Variants in ABCA13 observed in about 807,000 individuals in gnomAD.
The protein encoded by ABCA13 is ATP binding cassette subfamily A member 13, also known as ATP-binding cassette sub-family A member 13.
ABCA13 carries 476 observed loss-of-function variants against 478.7 expected under a neutral mutation model. The observed-to-expected ratio is 0.99, with a 90% confidence interval of 0.92 to 1.07. The LOEUF is 1.07. ABCA13 is among the 50% of genes least tolerant of loss of function. The pLI, the probability that ABCA13 is intolerant of heterozygous loss-of-function variation, is 0.00. For missense variants in ABCA13, 6,060 were observed against 5,910.6 expected (o/e 1.03, Z -0.83); for synonymous variants, 2,252 against 2,158.9 (o/e 1.04, Z -1.20).
chr7:48,575,321 A>G (rs1298826052), intron 55 of ABCA13, among the ~76,000 whole-genome samples: 1 of 152,262 alleles, frequency 6.6e-6, no homozygotes, highest in South Asian at 2.1e-4. Flanking sequence ...TGGTTTTTTA[A>G]AAGTTGATAC....
chr7:48,284,227 G>A lies in ABCA13; in HGVS notation c.8836+2775G>A, dbSNP rs141551089. ...AACAGAAGAATTGATTGGTCATTGG[G>A]TCTAAGAAACATGGAAAAGGAGTAA... On this transcript the variant is annotated intron_variant, in intron 19 of 61. Coordinates refer to ENST00000435803, the MANE Select transcript of ABCA13 (RefSeq NM_152701.5). 3.3e-3 allele frequency among the ~76,000 whole-genome samples: 508 copies of A among 152,292 alleles called. 2 individuals carry two copies. Among genetic ancestry groups the A allele is most frequent in the African/African-American group, 0.012 (484 of 41,566 alleles).
chr7:48,337,030 T>C (rs982169018), intron 28 of ABCA13, among the ~76,000 whole-genome samples: 6 of 152,250 alleles, frequency 3.9e-5, no homozygotes, highest in African/African-American at 1.4e-4. Context: ...ACCTGAGTAC[T>C]ACTTACTAAG....
intron 10 of ABCA13, among the ~76,000 whole-genome samples, chr7:48,243,310 T>C (rs950524390): frequency 6.6e-6 from 1 of 152,206 alleles, no homozygotes; most frequent in East Asian, 1.9e-4. Context: ...TAAAATAATC[T>C]CTTTCTCACT....
In ABCA13 at chr7:48,272,549, T is replaced by G. The variant is rs761389703; in HGVS notation, c.2883T>G (p.Leu961=). The G allele has an allele frequency of 1.2e-6, 2 of 1,613,680 alleles. No homozygotes were observed. The highest frequency in any genetic ancestry group is 2.7e-5 in the African/African-American group (2 of 74,936). The change falls in exon 17 of 62, where the codon CTT becomes CTG. Residue 961 remains leucine (L), a synonymous_variant. Coordinates refer to ENST00000435803, the MANE Select transcript of ABCA13 (RefSeq NM_152701.5). ...TCCAGGACAAGGATTCAGCTTTACT[T>G]CTGCAAATTTATTCTTCATTTTACC... ...NVFQDKDSAL[L]LQIYSSFYRY...
chr7:48,536,808 G>T (rs1388360540), intron 55 of ABCA13, among the ~76,000 whole-genome samples: 2 of 151,532 alleles, frequency 1.3e-5, no homozygotes, highest in Non-Finnish European at 2.9e-5. Flanking sequence ...TAATATTTTT[G>T]TTAAATTTCA....
At chr7:48,417,847 G>A (rs1318227800) in intron 41 of ABCA13, among the ~76,000 whole-genome samples, 1 of 152,176 alleles carries the variant, frequency 6.6e-6, no homozygotes, top group Non-Finnish European at 1.5e-5. Context: ...CCTGCCCGAA[G>A]CCCCAGCCCT....
intron 51 of ABCA13, among the ~76,000 whole-genome samples, chr7:48,516,200 G>A (rs1169194234): frequency 6.6e-6 from 1 of 152,058 alleles, no homozygotes; most frequent in Non-Finnish European, 1.5e-5. Flanking sequence ...CAGAGAATTC[G>A]GTTACCCACA....
rs1796591305 is a variant in ABCA13 at position 48,278,498 on chromosome 7, A to T, written c.7304A>T (p.Asn2435Ile). Residue 2435 changes from asparagine (N) to isoleucine (I), a missense_variant, in exon 18 of 62, where the codon AAT (asparagine) becomes ATT (isoleucine). Coordinates refer to ENST00000435803, the MANE Select transcript of ABCA13 (RefSeq NM_152701.5). ...CTGGATACAATTTTACACTCTCCTA[A>T]TAAGGACTTCTATGCTTTGTATCCT... The part of the protein sequence containing the change: ...RLLDTILHSP[N>I]KDFYALYPTL... The T allele has an allele frequency of 1.2e-6, 2 of 1,613,982 alleles. No homozygotes were observed. Among genetic ancestry groups the T allele is most frequent in the Non-Finnish European group, 1.7e-6 (2 of 1,179,882 alleles).
intron 27 of ABCA13, among the ~76,000 whole-genome samples, chr7:48,325,486 A>G (rs988380326): frequency 1.3e-5 from 2 of 152,140 alleles, no homozygotes; most frequent in Admixed American, 6.5e-5. Context: ...GACGGTGCTT[A>G]AAACTGTAGC....
chr7:48,556,851 C>A (rs995479979), intron 55 of ABCA13, among the ~76,000 whole-genome samples: 4 of 151,694 alleles, frequency 2.6e-5, no homozygotes, highest in South Asian at 4.2e-4. Context: ...TTATTGTTTT[C>A]TGTTTGTTTT....
intron 27 of ABCA13, among the ~76,000 whole-genome samples, chr7:48,334,335 C>T (rs1805872476): frequency 1.4e-5 from 2 of 145,622 alleles, no homozygotes; most frequent in Non-Finnish European, 3.0e-5. Flanking sequence ...GTCTCTATCC[C>T]TATTTTTTTT....
At chr7:48,476,595 T>A (rs977786775) in intron 45 of ABCA13, among the ~76,000 whole-genome samples, 3 of 152,158 alleles carry the variant, frequency 2.0e-5, no homozygotes, top group Admixed American at 2.0e-4. Flanking sequence ...CTTGAATTAT[T>A]GTTTCATTTG....
At chr7:48,239,437 AG>A in intron 9 of ABCA13, 32 bp downstream of exon 9, 2 of 1,558,064 alleles carry the variant, frequency 1.3e-6, no homozygotes, top group Non-Finnish European at 1.7e-6. Context: ...TTCTGTTCAA[AG>A]GTGTGCCAGT....
In ABCA13 at chr7:48,279,313, G is replaced by T. The variant is rs528610620; in HGVS notation, c.8119G>T (p.Asp2707Tyr). ...NPISTHSGPQ[D>Y]IKWEIIHEVI... ...AATTTCCACTCATAGTGGCCCTCAA[G>T]ATATAAAATGGGAAATAATTCATGA... is the stretch of plus-strand genomic sequence containing the variant. The change falls in exon 18 of 62, where the codon GAT becomes TAT. Residue 2707 changes from aspartate to tyrosine, a missense_variant. This residue lies in a region of ABCA13 where 4,423 missense variants were observed against 4,309.1 expected (regional missense o/e 1.03). Transcript: ENST00000435803. The T allele has an allele frequency of 3.2e-6, 5 of 1,586,992 alleles. No individual in the cohort carries two copies. The highest frequency in any genetic ancestry group is 1.7e-4 in the Middle Eastern group (1 of 6,020).
intron 1 of ABCA13, among the ~76,000 whole-genome samples, chr7:48,172,783 G>A: frequency 9.2e-6 from 1 of 108,158 alleles, no homozygotes; most frequent in Non-Finnish European, 1.7e-5. Flanking sequence ...GGGCGACAGA[G>A]CGAGACTCCG....
intron 22 of ABCA13, among the ~76,000 whole-genome samples, chr7:48,297,600 T>C (rs1799565307): frequency 6.6e-6 from 1 of 152,176 alleles, no homozygotes; most frequent in Admixed American, 6.5e-5. Flanking sequence ...TTTCCTTGGC[T>C]GTTCACTCTG....
At chr7:48,386,892 T>C (rs1487143268) in intron 35 of ABCA13, among the ~76,000 whole-genome samples, 1 of 152,158 alleles carries the variant, frequency 6.6e-6, no homozygotes, top group African/African-American at 2.4e-5. Context: ...TAATGGGATC[T>C]AACTAAAGAG....
chr7:48,259,645 C>A (rs1049980308), intron 15 of ABCA13, among the ~76,000 whole-genome samples: 1 of 151,896 alleles, frequency 6.6e-6, no homozygotes, highest in African/African-American at 2.4e-5. Context: ...ATTCTGATAT[C>A]ATGTTGTTAG....
chr7:48,631,585 G>A (rs1045929329), intron 59 of ABCA13, among the ~76,000 whole-genome samples: 2 of 152,078 alleles, frequency 1.3e-5, no homozygotes, highest in Non-Finnish European at 2.9e-5. Flanking sequence ...TTCAGATAAT[G>A]TAATGGCTCC....
Sources: gnomAD v4.1 joint callset for allele counts (sites outside exome capture counted in the v4.1 genomes callset) on GRCh38, gnomAD v4.1.1 for gene constraint, gnomAD v4.1.1 regional missense constraint, MANE v1.5 for transcripts, NCBI Gene and HGNC (gene_info 2026-07-23, HGNC 2026-07-21) for gene names.